BMP2: variants seen among roughly 807,000 people sequenced by gnomAD.
BMP2 encodes bone morphogenetic protein 2, also known as bone morphogenetic protein 2A.
Under a neutral mutation model 28.8 loss-of-function variants are expected in BMP2, and 2 were observed. The observed-to-expected ratio is 0.07, with a 90% CI of 0.03 to 0.22. BMP2 has a LOEUF of 0.22. BMP2 is among the 10% of genes least tolerant of loss of function. The probability of loss-of-function intolerance (pLI) is 1.00; values close to 1 mark genes in which losing one functional copy is unlikely to be tolerated. For synonymous variants in BMP2, 218 were observed against 204.3 expected (o/e 1.07, Z -0.57); for missense variants, 437 against 517.7 (o/e 0.84, Z 1.51).
In BMP2 at chr20:6,778,465, C is replaced by G; in HGVS notation, c.567C>G (p.Thr189=). ...CAGCCAACTCGAAATTCCCCGTGAC[C>G]AGACTTTTGGACACCAGGTTGGTGA... ...PATANSKFPV[T]RLLDTRLVNQ... is the part of the protein sequence containing the mutation. Residue 189 remains threonine (T), a synonymous_variant, in exon 3 of 3, where the codon ACC becomes ACG. Transcript: ENST00000378827. The surrounding 1 kb of genome is among the most constrained non-coding windows in gnomAD (Gnocchi z 5.0). The G allele has an allele frequency of 6.2e-7, 1 of 1,614,162 alleles. No homozygotes were observed. Among genetic ancestry groups the G allele is most frequent in the Non-Finnish European group, 8.5e-7 (1 of 1,180,040 alleles).
rs1986544985 is a variant in BMP2, at chr20:6,778,394, A to G, written c.496A>G (p.Ser166Gly). 1.2e-6 allele frequency: 2 copies of G among 1,614,136 alleles called. No individual in the cohort carries two copies. The highest frequency in any genetic ancestry group is 1.7e-6 in the Non-Finnish European group (2 of 1,179,946). ...GCAAGATGCTTTAGGAAACAATAGC[A>G]GTTTCCATCACCGAATTAATATTTA... Reference protein sequence around the residue: ...QMQDALGNNSSFHHRINIYEI... With the variant: ...QMQDALGNNSGFHHRINIYEI... The change falls in exon 3 of 3, where the codon AGT becomes GGT. Residue 166 changes from serine to glycine, a missense_variant. Ser to Gly is a moderately conservative substitution (Grantham distance 56). Around this residue, in one of 2 missense-constraint regions of BMP2, gnomAD observed 363 missense variants for 392.8 expected, o/e 0.92. Coordinates refer to ENST00000378827, the MANE Select transcript of BMP2 (RefSeq NM_001200.4). This position sits in a 1 kb window ranked among gnomAD's most constrained non-coding sequence, Gnocchi z 5.0.
intron 2 of BMP2, among the ~76,000 whole-genome samples, chr20:6,774,908 A>G (rs756745227): frequency 3.9e-5 from 6 of 152,232 alleles, no homozygotes; most frequent in African/African-American, 1.2e-4. Context: ...AATGATTGAT[A>G]TAGTATAGAT....
chr20:6,773,692 A>AT (rs1253327912), intron 2 of BMP2, among the ~76,000 whole-genome samples: 4 of 151,732 alleles, frequency 2.6e-5, no homozygotes, highest in Admixed American at 2.0e-4. Flanking sequence ...CCCTTGTTGT[A>AT]TTTTTTTTAA....
In BMP2 at chr20:6,779,705, A is replaced by G. The variant is rs1220971333; in HGVS notation, c.*616A>G. Reference sequence around the variant, plus strand: ...AGGAATGTTGCAGAGTGATTGTCCAATCCATGAGAATTTACATCCTTATTA... The same window carrying G: ...AGGAATGTTGCAGAGTGATTGTCCAGTCCATGAGAATTTACATCCTTATTA... On this transcript the variant is annotated 3_prime_UTR_variant, in exon 3 of 3. Coordinates refer to ENST00000378827, the MANE Select transcript of BMP2 (RefSeq NM_001200.4). 6.6e-6 allele frequency: 1 copy of G among 152,660 alleles called. No homozygotes were observed. The highest frequency in any genetic ancestry group is 1.9e-4 in the East Asian group (1 of 5,200). The allele number at this position is 152,660 out of a possible 1,614,324, so 9.5% of individuals were successfully genotyped here.
chr20:6,769,260 T>G (rs1051052765), intron 1 of BMP2, among the ~76,000 whole-genome samples: 1 of 152,198 alleles, frequency 6.6e-6, no homozygotes, highest in Non-Finnish European at 1.5e-5. Context: ...CGCTCTGCCA[T>G]GGTGATCTCC....
intron 2 of BMP2, among the ~76,000 whole-genome samples, chr20:6,776,029 A>G (rs1986493801): frequency 6.6e-6 from 1 of 152,106 alleles, no homozygotes; most frequent in Admixed American, 6.5e-5. Flanking sequence ...CTTTGGTGTC[A>G]TTGGGGTCTG....
At position 6,770,305 on chromosome 20, in the gene BMP2, T is replaced by C. The variant is rs557734542; in HGVS notation, c.179T>C (p.Met60Thr). 13 of 1,613,436 alleles carry C rather than the reference T, an allele frequency of 8.1e-6. No individual in the cohort carries two copies. The highest frequency in any genetic ancestry group is 4.5e-5 in the East Asian group (2 of 44,860). ...LSEFELRLLS[M>T]FGLKQRPTPS... The stretch of plus-strand genomic sequence containing the variant: ...GAGTTCGAGTTGCGGCTGCTCAGCA[T>C]GTTCGGCCTGAAACAGAGACCCACC... Residue 60 changes from methionine (M) to threonine (T), a missense_variant, in exon 2 of 3, where the codon ATG becomes ACG. Met to Thr is a moderately conservative substitution (Grantham distance 81). Coordinates refer to ENST00000378827, the MANE Select transcript of BMP2 (RefSeq NM_001200.4).
Position 6,778,589 on chromosome 20 carries a change from G to A in BMP2, c.691G>A (p.Ala231Thr). 6.2e-7 allele frequency: 1 copy of A among 1,614,038 alleles called. No homozygotes were observed. The highest frequency in any genetic ancestry group is 8.5e-7 in the Non-Finnish European group (1 of 1,179,988). The stretch of plus-strand genomic sequence containing the variant: ...CAACCATGGATTCGTGGTGGAAGTG[G>A]CCCACTTGGAGGAGAAACAAGGTGT... The part of the protein sequence containing the change: ...HANHGFVVEV[A>T]HLEEKQGVSK... Residue 231 changes from alanine (A) to threonine (T), a missense_variant, in exon 3 of 3, where the codon GCC becomes ACC. By Grantham distance (58) the Ala-to-Thr change is moderately conservative. Around this residue, in one of 2 missense-constraint regions of BMP2, gnomAD observed 363 missense variants for 392.8 expected, o/e 0.92. Transcript: ENST00000378827. This position sits in a 1 kb window ranked among gnomAD's most constrained non-coding sequence, Gnocchi z 5.0.
intron 2 of BMP2, among the ~76,000 whole-genome samples, chr20:6,772,001 C>T (rs1411198403): frequency 1.3e-5 from 2 of 152,054 alleles, no homozygotes; most frequent in Non-Finnish European, 2.9e-5. Context: ...CTGTTTTAGA[C>T]ACCTCTTCTG....
At position 6,778,403 on chromosome 20, in the gene BMP2, C is replaced by T; in HGVS notation, c.505C>T (p.His169Tyr). 6.2e-7 allele frequency: 1 copy of T among 1,614,182 alleles called. No homozygotes were observed. Among genetic ancestry groups the T allele is most frequent in the Non-Finnish European group, 8.5e-7 (1 of 1,180,020 alleles). Residue 169 changes from histidine (H) to tyrosine (Y), a missense_variant, in exon 3 of 3, where the codon CAC becomes TAC. Transcript: ENST00000378827. This position sits in a 1 kb window ranked among gnomAD's most constrained non-coding sequence, Gnocchi z 5.0. ...DALGNNSSFH[H>Y]RINIYEIIKP... ...TTTAGGAAACAATAGCAGTTTCCAT[C>T]ACCGAATTAATATTTATGAAATCAT... is the stretch of plus-strand genomic sequence containing the variant.
Position 6,768,809 on chromosome 20 carries a change from C to T in BMP2, c.-74C>T. 2.5e-6 allele frequency: 1 copy of T among 398,578 alleles called. No homozygotes were observed. The highest frequency in any genetic ancestry group is 2.1e-5 in the African/African-American group (1 of 48,754). The allele number at this position is 398,578 out of a possible 1,614,324, so 24.7% of individuals were successfully genotyped here. A position where few individuals can be genotyped will look rare whatever the true frequency, so the allele number is the denominator to read the frequency against. On this transcript the variant is annotated 5_prime_UTR_variant, in exon 1 of 3. Coordinates refer to ENST00000378827, the MANE Select transcript of BMP2 (RefSeq NM_001200.4). ...GCCAGGTCCTTTGACCAGAGTTTTT[C>T]CATGTGGACGCTCTTTCAATGGACG...
intron 2 of BMP2, 23 bp downstream of exon 2, chr20:6,770,495 G>A (rs1490185640): frequency 3.9e-6 from 6 of 1,553,842 alleles, no homozygotes; most frequent in Admixed American, 1.8e-5. Context: ...GCAGGGCGTG[G>A]GGGCGGGGAG....
chr20:6,777,885 C>CT (rs5840158), intron 2 of BMP2, among the ~76,000 whole-genome samples: 131 of 144,550 alleles, frequency 9.1e-4, no homozygotes, highest in Admixed American at 9.0e-4. Flanking sequence ...ATAGTGCTGA[C>CT]TTTTTTTTTT....
At chr20:6,775,138 T>A (rs1464500637) in intron 2 of BMP2, among the ~76,000 whole-genome samples, 1 of 152,122 alleles carries the variant, frequency 6.6e-6, no homozygotes, top group Non-Finnish European at 1.5e-5. Context: ...ATTGTATAAG[T>A]CTCCAAAAAA....
Position 6,767,925 on chromosome 20 carries a change from G to A in BMP2, c.-958G>A, listed in dbSNP as rs1393933166. The stretch of plus-strand genomic sequence containing the variant: ...CGCGCGGGCTGGAGCACCCGGCAGA[G>A]CGCGCCACAGCGCCGTGGCCTCTGC... On this transcript the variant is annotated 5_prime_UTR_variant, in exon 1 of 3. Transcript: ENST00000378827. 1.0e-5 allele frequency: 4 copies of A among 387,828 alleles called. No individual in the cohort carries two copies. Among genetic ancestry groups the A allele is most frequent in the African/African-American group, 4.2e-5 (2 of 47,938 alleles). 24.0% of individuals were successfully genotyped at this position (387,828 alleles called of 1,614,324 possible).
In BMP2 at chr20:6,767,769, A is replaced by G. The variant is rs1219839784; in HGVS notation, c.-1114A>G. The G allele has an allele frequency of 2.8e-5, 7 of 245,808 alleles. No homozygotes were observed. The Admixed American group carries it at 3.9e-4, about 14-fold the overall frequency. 15.2% of individuals were successfully genotyped at this position (245,808 alleles called of 1,614,324 possible). A position where few individuals can be genotyped will look rare whatever the true frequency, so the allele number is the denominator to read the frequency against. On this transcript the variant is annotated 5_prime_UTR_variant, in exon 1 of 3. Coordinates refer to ENST00000378827, the MANE Select transcript of BMP2 (RefSeq NM_001200.4). ...CGCTGCGCTAGTCGCTCCGCTTCCC[A>G]CACCCCGCCGGGGACTGGCAGCCGC...
At chr20:6,770,064 C>A in intron 1 of BMP2, 56 bp from the exon 2 acceptor site, 1 of 1,465,570 alleles carries the variant, frequency 6.8e-7, no homozygotes, top group Non-Finnish European at 9.1e-7. Context: ...CGCGGGGGCG[C>A]GAGGGGGGAG....
At chr20:6,773,598 C>T (rs1469632167) in intron 2 of BMP2, among the ~76,000 whole-genome samples, 2 of 152,102 alleles carry the variant, frequency 1.3e-5, no homozygotes, top group Non-Finnish European at 2.9e-5. Flanking sequence ...TTCATCATTC[C>T]GAAGGTGTTG....
In BMP2 at chr20:6,776,831, T is replaced by C. The variant is rs551477306; in HGVS notation, c.347-1414T>C. 8.5e-5 allele frequency among the ~76,000 whole-genome samples: 13 copies of C among 152,340 alleles called. No individual in the cohort carries two copies. The East Asian group carries it at 2.3e-3, about 27-fold the overall frequency. On this transcript the variant is annotated intron_variant, in intron 2 of 2. Coordinates refer to ENST00000378827, the MANE Select transcript of BMP2 (RefSeq NM_001200.4). ...GATCCTTTGAGTGAGTGATCTGACA[T>C]GATTCTCCTTTGCTAAGGCATCTAG...
Sources: gnomAD v4.1 joint callset for allele counts (sites outside exome capture counted in the v4.1 genomes callset) on GRCh38, gnomAD v4.1.1 for gene constraint, gnomAD v4.1.1 regional missense constraint, Gnocchi (gnomAD v3.1) non-coding constraint, MANE v1.5 for transcripts, NCBI Gene and HGNC (gene_info 2026-07-23, HGNC 2026-07-21) for gene names.